The following PDE1C variants were observed in gnomAD, a reference collection of about 807,000 sequenced individuals.
PDE1C encodes the protein phosphodiesterase 1C, also known as dual specificity calcium/calmodulin-dependent 3',5'-cyclic nucleotide phosphodiesterase 1C.
Under a neutral mutation model 93.1 loss-of-function variants are expected in PDE1C, and 62 were observed. The observed-to-expected ratio is 0.67, with a 90% CI of 0.54 to 0.82. The LOEUF is 0.82. Ranked by LOEUF, PDE1C falls within the 40% of genes least tolerant of loss-of-function variation. PDE1C has a pLI of 0.00. For missense variants in PDE1C, 742 were observed against 884.6 expected, an observed-to-expected ratio of 0.84 and a Z score of 2.04; for synonymous variants, 325 against 310.1, an observed-to-expected ratio of 1.05 and a Z score of -0.50.
At chr7:31,928,482 C>A (rs534593337) in intron 2 of PDE1C, among the ~76,000 whole-genome samples, 1 of 143,034 alleles carries the variant, frequency 7.0e-6, no homozygotes, top group Non-Finnish European at 1.5e-5. Context: ...ACATAACCAT[C>A]AGATTCTCCA....
the PDE1C span, among the ~76,000 whole-genome samples, chr7:31,689,611 C>T: frequency 1.3e-5 from 2 of 152,066 alleles, no homozygotes; most frequent in Non-Finnish European, 2.9e-5. Context: ...TCATAAAGAG[C>T]GCCCCTTCTC....
chr7:32,339,010 G>GCACACACACACA (rs57740255), intron 1 of PDE1C, among the ~76,000 whole-genome samples: 8 of 138,544 alleles, frequency 5.8e-5, no homozygotes, highest in African/African-American at 1.9e-4. Flanking sequence ...CTCAAAAAAA[G>GCACACACACACA]CACACACACA....
intron 1 of PDE1C, among the ~76,000 whole-genome samples, chr7:32,390,399 C>T (rs1005919311): frequency 6.6e-6 from 1 of 152,072 alleles, no homozygotes; most frequent in Non-Finnish European, 1.5e-5. Context: ...AACCTGGGGG[C>T]GCTACTGGCA....
chr7:31,933,966 A>G (rs1804679182), intron 2 of PDE1C, among the ~76,000 whole-genome samples: 1 of 152,208 alleles, frequency 6.6e-6, no homozygotes, highest in East Asian at 1.9e-4. Context: ...GGCCTAATAC[A>G]CTTAAGAAAA....
chr7:32,147,236 TAAAA>T lies in PDE1C; in HGVS notation c.308+22545_308+22548del, dbSNP rs1428511069. Among the ~76,000 whole-genome samples the T allele has an allele frequency of 3.9e-4, 26 of 67,062 alleles. 1 individual carries two copies. Among genetic ancestry groups the T allele is most frequent in the African/African-American group, 1.6e-3 (25 of 16,058 alleles). The allele number at this position is 67,062 out of a possible 152,430, so 44.0% of individuals were successfully genotyped here. ...ATTTAGTGTGAGCTCATTTGGTAAA[TAAAA>T]AAGAAAGAAAGAAAAGAAAGAAAGA... On this transcript the variant is annotated intron_variant, in intron 3 of 18. Coordinates refer to the PDE1C transcript ENST00000396193.
At chr7:32,337,870 C>A (rs10447640) in intron 1 of PDE1C, among the ~76,000 whole-genome samples, 5 of 151,988 alleles carry the variant, frequency 3.3e-5, no homozygotes, top group Non-Finnish European at 7.4e-5. Context: ...ACGGAGCAAG[C>A]AAACGAGGCA....
chr7:32,107,284 AGGAG>A (rs1221171297), intron 3 of PDE1C, among the ~76,000 whole-genome samples: 5 of 142,018 alleles, frequency 3.5e-5, no homozygotes, highest in South Asian at 2.6e-4. Flanking sequence ...GAGGGAGGGA[AGGAG>A]GGAGGGAGGG....
intron 2 of PDE1C, among the ~76,000 whole-genome samples, chr7:31,975,490 G>T (rs1456294122): frequency 6.6e-6 from 1 of 152,116 alleles, no homozygotes; most frequent in Non-Finnish European, 1.5e-5. Context: ...GTAACACTGA[G>T]GGAGTCTCTC....
chr7:31,790,356 C>A (rs1170251780), intron 16 of PDE1C: 3 of 988,602 alleles, frequency 3.0e-6, no homozygotes, highest in East Asian at 2.4e-5. Flanking sequence ...TCTAGGGGAC[C>A]AAAAAAAATG....
intron 11 of PDE1C, among the ~76,000 whole-genome samples, chr7:31,830,953 C>T (rs1469866597): frequency 2.0e-5 from 3 of 152,142 alleles, no homozygotes; most frequent in Non-Finnish European, 4.4e-5. Flanking sequence ...TGTTGTTATA[C>T]ATTTGGGGGT....
At chr7:32,120,087 G>A (rs897372131) in intron 3 of PDE1C, among the ~76,000 whole-genome samples, 2 of 152,294 alleles carry the variant, frequency 1.3e-5, no homozygotes, top group Non-Finnish European at 2.9e-5. Context: ...ATCCCTAGAG[G>A]TGCCCCCCAC....
intron 16 of PDE1C, among the ~76,000 whole-genome samples, chr7:31,793,286 T>C (rs1179999780): frequency 1.3e-5 from 2 of 152,080 alleles, no homozygotes; most frequent in Admixed American, 6.6e-5. Flanking sequence ...TGTTTATTCC[T>C]GGATCACAAA....
At chr7:31,861,955 T>C (rs994601977) in intron 7 of PDE1C, among the ~76,000 whole-genome samples, 4 of 152,198 alleles carry the variant, frequency 2.6e-5, no homozygotes, top group African/African-American at 4.8e-5. Context: ...CTCAGCCTCA[T>C]AATGCACCAC....
intron 1 of PDE1C, among the ~76,000 whole-genome samples, chr7:32,355,928 C>T (rs1487794122): frequency 6.6e-6 from 1 of 152,240 alleles, no homozygotes; most frequent in South Asian, 2.1e-4. Context: ...GTTCTCCCAT[C>T]ATACTCTCAA....
At chr7:31,727,916 C>T in the PDE1C span, among the ~76,000 whole-genome samples, 1 of 152,074 alleles carries the variant, frequency 6.6e-6, no homozygotes, top group East Asian at 1.9e-4. Flanking sequence ...TGGTGGCATG[C>T]ACCTATATTC....
At chr7:32,012,244 T>G (rs1787236949) in intron 2 of PDE1C, among the ~76,000 whole-genome samples, 1 of 152,002 alleles carries the variant, frequency 6.6e-6, no homozygotes, top group African/African-American at 2.4e-5. Flanking sequence ...AGTGAGGAAG[T>G]TTACAATCAT....
chr7:32,291,842 T>A (rs1234400891), intron 1 of PDE1C, among the ~76,000 whole-genome samples: 3 of 152,196 alleles, frequency 2.0e-5, no homozygotes, highest in African/African-American at 7.2e-5. Context: ...CGCAGAGATT[T>A]CCTTACTTAA....
the PDE1C span, among the ~76,000 whole-genome samples, chr7:31,625,029 T>C: frequency 2.0e-5 from 3 of 152,154 alleles, no homozygotes; most frequent in South Asian, 2.1e-4. Flanking sequence ...AAAATGCTCA[T>C]CATCACTGGC....
chr7:31,704,899 A>C, the PDE1C span, among the ~76,000 whole-genome samples: 1 of 152,184 alleles, frequency 6.6e-6, no homozygotes, highest in East Asian at 1.9e-4. Context: ...TGCTTCCCAA[A>C]CCCAGGCCAT....
Sources: gnomAD v4.1 joint callset for allele counts (sites outside exome capture counted in the v4.1 genomes callset) on GRCh38, gnomAD v4.1.1 for gene constraint, MANE v1.5 for transcripts, NCBI Gene and HGNC (gene_info 2026-07-23, HGNC 2026-07-21) for gene names.